DPYD: variants seen among roughly 807,000 people sequenced by gnomAD.
DPYD encodes the protein dihydropyrimidine dehydrogenase [NADP(+)].
DPYD carries 109 observed loss-of-function variants against 116.2 expected under a neutral mutation model. The ratio of observed to expected loss-of-function variants is 0.94; its 90% CI spans 0.80 to 1.10. The LOEUF (loss-of-function observed/expected upper bound fraction) is 1.10. Among genes scored for constraint, DPYD ranks in the 50% least tolerant of loss-of-function variants. The pLI, the probability that DPYD is intolerant of heterozygous loss-of-function variation, is 0.00. For missense variants in DPYD, 1,302 were observed against 1,254.5 expected (o/e 1.04, Z -0.57); for synonymous variants, 440 against 432.0 (o/e 1.02, Z -0.23).
At chr1:97,627,364 C>A (rs551275867) in intron 8 of DPYD, among the ~76,000 whole-genome samples, 1 of 152,068 alleles carries the variant, frequency 6.6e-6, no homozygotes, top group African/African-American at 2.4e-5. Flanking sequence ...TTTCTAGAAA[C>A]AGAAAAGTTT....
intron 2 of DPYD, among the ~76,000 whole-genome samples, chr1:97,846,742 C>T (rs1670320119): frequency 6.6e-6 from 1 of 152,162 alleles, no homozygotes; most frequent in South Asian, 2.1e-4. Context: ...GAAGTCTTTA[C>T]AGGGAAATAG....
intron 11 of DPYD, among the ~76,000 whole-genome samples, chr1:97,557,628 T>G (rs1157485346): frequency 1.3e-5 from 2 of 152,112 alleles, no homozygotes; most frequent in African/African-American, 4.8e-5. Context: ...ATTCCCTTCT[T>G]CAAAACTAAA....
At chr1:97,281,350 AAG>A (rs1665310934) in intron 18 of DPYD, among the ~76,000 whole-genome samples, 2 of 151,886 alleles carry the variant, frequency 1.3e-5, no homozygotes, top group African/African-American at 4.8e-5. Flanking sequence ...ACCAGATCAC[AAG>A]AGATAAAGAG....
At chr1:97,189,228 C>T (rs1658195997) in intron 20 of DPYD, among the ~76,000 whole-genome samples, 1 of 152,104 alleles carries the variant, frequency 6.6e-6, no homozygotes, top group Non-Finnish European at 1.5e-5. Context: ...CGATGTGATA[C>T]TGGTTACAGC....
intron 3 of DPYD, among the ~76,000 whole-genome samples, chr1:97,813,830 T>C (rs776492730): frequency 6.6e-6 from 1 of 152,080 alleles, no homozygotes; most frequent in Non-Finnish European, 1.5e-5. Context: ...TATTCCTGTA[T>C]TCCTTTAATG....
chr1:97,623,928 A>C (rs2100777146), intron 8 of DPYD, among the ~76,000 whole-genome samples: 1 of 152,128 alleles, frequency 6.6e-6, no homozygotes, highest in East Asian at 1.9e-4. Flanking sequence ...CTGGATTTCC[A>C]CATGTAGAAG....
intron 20 of DPYD, among the ~76,000 whole-genome samples, chr1:97,165,001 C>A (rs1015120937): frequency 6.6e-6 from 1 of 151,962 alleles, no homozygotes; most frequent in South Asian, 2.1e-4. Flanking sequence ...AGCCACTGCG[C>A]CCAGCCACAA....
intron 2 of DPYD, among the ~76,000 whole-genome samples, chr1:97,866,163 T>C (rs1671365767): frequency 6.6e-6 from 1 of 151,940 alleles, no homozygotes; most frequent in African/African-American, 2.4e-5. Context: ...AAAATAAACC[T>C]CTATTTTCCA....
intron 8 of DPYD, among the ~76,000 whole-genome samples, chr1:97,621,760 T>C (rs1300558109): frequency 6.6e-6 from 1 of 151,940 alleles, no homozygotes; most frequent in Non-Finnish European, 1.5e-5. Flanking sequence ...GAAGGAAATA[T>C]ACAAGATAAG....
intron 16 of DPYD, among the ~76,000 whole-genome samples, chr1:97,358,933 A>C (rs1670563012): frequency 6.6e-6 from 1 of 152,240 alleles, no homozygotes; most frequent in South Asian, 2.1e-4. Flanking sequence ...CCTCGGCAGC[A>C]ACAGAAAAAA....
chr1:97,484,993 T>G (rs1012549053), intron 13 of DPYD, among the ~76,000 whole-genome samples: 3 of 152,192 alleles, frequency 2.0e-5, no homozygotes, highest in Admixed American at 6.5e-5. Flanking sequence ...TGACTACTTT[T>G]AAGGGCTTTT....
At chr1:97,508,383 T>C (rs1275547717) in intron 13 of DPYD, among the ~76,000 whole-genome samples, 1 of 151,988 alleles carries the variant, frequency 6.6e-6, no homozygotes, top group Admixed American at 6.6e-5. Context: ...AGTTGCCATG[T>C]TGGAGAACTA....
chr1:97,879,774 T>A (rs191078510), intron 2 of DPYD, among the ~76,000 whole-genome samples: 4 of 152,004 alleles, frequency 2.6e-5, no homozygotes, highest in African/African-American at 9.6e-5. Flanking sequence ...AAACAAAATT[T>A]GTATCTATTT....
At chr1:97,485,484 G>T (rs1678578976) in intron 13 of DPYD, among the ~76,000 whole-genome samples, 1 of 152,184 alleles carries the variant, frequency 6.6e-6, no homozygotes, top group African/African-American at 2.4e-5. Flanking sequence ...TTACAGGTGT[G>T]AGCCACTGTG....
intron 16 of DPYD, among the ~76,000 whole-genome samples, chr1:97,354,005 C>T (rs1670284720): frequency 1.3e-5 from 2 of 152,190 alleles, no homozygotes; most frequent in South Asian, 4.1e-4. Flanking sequence ...TGCCATGTTA[C>T]TTACCCTTTC....
Position 97,811,955 on chromosome 1 carries a change from A to C in DPYD, c.233+16159T>G, listed in dbSNP as rs182450915. ...AAGATTAGAAAATCACTATAAGTGG[A>C]AATTTTAGAAAACAATACAACAGTC... On this transcript the variant is annotated intron_variant, in intron 3 of 22. Transcript: ENST00000370192. Among the ~76,000 whole-genome samples the C allele has an allele frequency of 1.0e-3, 156 of 152,282 alleles. 1 individual carries two copies. Among genetic ancestry groups the C allele is most frequent in the African/African-American group, 3.2e-3 (134 of 41,578 alleles).
intron 10 of DPYD, among the ~76,000 whole-genome samples, chr1:97,587,393 T>C (rs996476292): frequency 2.0e-5 from 3 of 152,192 alleles, no homozygotes; most frequent in Non-Finnish European, 4.4e-5. Context: ...GTGCCAAACG[T>C]TGAAGAACTG....
At chr1:97,503,424 T>A (rs911985228) in intron 13 of DPYD, among the ~76,000 whole-genome samples, 5 of 151,960 alleles carry the variant, frequency 3.3e-5, no homozygotes, top group African/African-American at 1.2e-4. Context: ...AATCCACTCC[T>A]GGATTTTCAC....
intron 7 of DPYD, among the ~76,000 whole-genome samples, chr1:97,690,970 A>G (rs1660981827): frequency 6.6e-6 from 1 of 152,126 alleles, no homozygotes; most frequent in Non-Finnish European, 1.5e-5. Context: ...ATCACTTTTC[A>G]AAGTATCTTC....
Sources: gnomAD v4.1 joint callset for allele counts (sites outside exome capture counted in the v4.1 genomes callset) on GRCh38, gnomAD v4.1.1 for gene constraint, MANE v1.5 for transcripts, NCBI Gene and HGNC (gene_info 2026-07-23, HGNC 2026-07-21) for gene names.